The following PLCB4 variants were observed in gnomAD, a reference collection of about 807,000 sequenced individuals.
The protein encoded by PLCB4 is phospholipase C beta 4, also known as 1-phosphatidylinositol 4,5-bisphosphate phosphodiesterase beta-4.
PLCB4 carries 77 observed loss-of-function variants against 178.8 expected under a neutral mutation model. The observed-to-expected ratio is 0.43, with a 90% CI of 0.36 to 0.52. PLCB4 has a LOEUF of 0.52. Among genes scored for constraint, PLCB4 ranks in the 20% least tolerant of loss-of-function variants. PLCB4 has a pLI of 0.00. For synonymous variants in PLCB4, 496 were observed against 490.8 expected (o/e 1.01, Z -0.14); for missense variants, 1,024 against 1,453.4 (o/e 0.70, Z 4.80).
At chr20:9,076,420 T>C (rs2089868591) in intron 1 of PLCB4, among the ~76,000 whole-genome samples, 1 of 152,080 alleles carries the variant, frequency 6.6e-6, no homozygotes, top group Non-Finnish European at 1.5e-5. Flanking sequence ...TGAGCCGAGA[T>C]CACATAACTG....
rs574001010 is a variant in PLCB4, at chr20:9,350,013, C to T, written c.369+10976C>T. ...CTTTGTTGCCTCCAAGCTCTATGAT[C>T]TGGAGCCAGTAATTTAATGATCATA... is the stretch of plus-strand genomic sequence containing the variant. On this transcript the variant is annotated intron_variant, in intron 7 of 39. Coordinates refer to ENST00000378473, the MANE Select transcript of PLCB4 (RefSeq NM_001377142.1). Among the ~76,000 whole-genome samples the T allele has an allele frequency of 2.6e-5, 4 of 152,288 alleles. No homozygotes were observed. In the East Asian group the frequency reaches 7.7e-4, roughly 29 times the overall value.
At chr20:9,348,270 T>A (rs112360693) in intron 7 of PLCB4, among the ~76,000 whole-genome samples, 4 of 152,266 alleles carry the variant, frequency 2.6e-5, no homozygotes, top group African/African-American at 7.2e-5. Context: ...TCGGCTTCAA[T>A]CAGTTACACA....
At chr20:9,287,856 T>G (rs1177537079) in intron 3 of PLCB4, among the ~76,000 whole-genome samples, 1 of 152,142 alleles carries the variant, frequency 6.6e-6, no homozygotes, top group Non-Finnish European at 1.5e-5. Context: ...TCTTCAGATC[T>G]CTTATGTTTT....
intron 1 of PLCB4, among the ~76,000 whole-genome samples, chr20:9,095,080 G>C (rs2090849334): frequency 1.3e-5 from 2 of 152,162 alleles, no homozygotes; most frequent in African/African-American, 2.4e-5. Context: ...GAAGGAGAGA[G>C]GTTCTGCAGC....
intron 7 of PLCB4, among the ~76,000 whole-genome samples, chr20:9,348,550 TC>T (rs2034035132): frequency 6.6e-6 from 1 of 152,050 alleles, no homozygotes; most frequent in African/African-American, 2.4e-5. Context: ...CTACTTAGGA[TC>T]CTTAGGGGCT....
chr20:9,153,640 G>T (rs2092730751), intron 2 of PLCB4, among the ~76,000 whole-genome samples: 1 of 152,218 alleles, frequency 6.6e-6, no homozygotes, highest in South Asian at 2.1e-4. Flanking sequence ...TAATACAATG[G>T]CTTTAAATTT....
chr20:9,439,473 T>C (rs540660150), intron 30 of PLCB4, among the ~76,000 whole-genome samples: 3 of 152,240 alleles, frequency 2.0e-5, no homozygotes, highest in African/African-American at 7.2e-5. Flanking sequence ...AAAGAAATAG[T>C]GGTCATTTTT....
chr20:9,141,133 T>C (rs919105707), intron 2 of PLCB4, among the ~76,000 whole-genome samples: 1 of 152,258 alleles, frequency 6.6e-6, no homozygotes, highest in Non-Finnish European at 1.5e-5. Flanking sequence ...AACTTTTTCT[T>C]TTCTTTATGC....
chr20:9,100,836 C>T (rs75491543), intron 2 of PLCB4, among the ~76,000 whole-genome samples: 294 of 152,198 alleles, frequency 1.9e-3, no homozygotes, highest in African/African-American at 6.8e-3. Flanking sequence ...TCCTCCTGTG[C>T]GCTGATTCCC....
intron 32 of PLCB4, among the ~76,000 whole-genome samples, chr20:9,444,728 T>C (rs566358728): frequency 6.6e-6 from 1 of 152,218 alleles, no homozygotes; most frequent in East Asian, 1.9e-4. Flanking sequence ...TGCCATTGCA[T>C]TCCAGTGTAG....
At chr20:9,260,644 G>C (rs980058188) in intron 3 of PLCB4, among the ~76,000 whole-genome samples, 2 of 151,992 alleles carry the variant, frequency 1.3e-5, no homozygotes, top group African/African-American at 4.8e-5. Flanking sequence ...GTGTATATAT[G>C]AGCTTATGCA....
At chr20:9,217,008 T>A (rs1200069209) in intron 2 of PLCB4, among the ~76,000 whole-genome samples, 2 of 152,192 alleles carry the variant, frequency 1.3e-5, no homozygotes, top group Non-Finnish European at 2.9e-5. Context: ...TAAAAAGAGT[T>A]TTTTCCAATT....
chr20:9,398,571 T>C (rs921506403), intron 19 of PLCB4, among the ~76,000 whole-genome samples: 1 of 152,092 alleles, frequency 6.6e-6, no homozygotes, highest in Admixed American at 6.6e-5. Context: ...GCAGAAATAA[T>C]GGAATAAATT....
intron 3 of PLCB4, among the ~76,000 whole-genome samples, chr20:9,244,555 TTC>T (rs2094104056): frequency 6.6e-6 from 1 of 152,190 alleles, no homozygotes; most frequent in East Asian, 1.9e-4. Flanking sequence ...AATACATAAT[TTC>T]TGTCTACGTG....
intron 2 of PLCB4, among the ~76,000 whole-genome samples, chr20:9,147,032 A>G (rs902368457): frequency 1.3e-5 from 2 of 152,162 alleles, no homozygotes; most frequent in Non-Finnish European, 2.9e-5. Flanking sequence ...GCTTTTGAAG[A>G]GTCCACTAAT....
At chr20:9,297,385 G>A (rs1601682147) in intron 3 of PLCB4, among the ~76,000 whole-genome samples, 1 of 152,130 alleles carries the variant, frequency 6.6e-6, no homozygotes, top group Non-Finnish European at 1.5e-5. Flanking sequence ...TCAGAGTGGG[G>A]TGAGGGATAA....
chr20:9,208,664 T>C (rs1239460005), intron 2 of PLCB4, among the ~76,000 whole-genome samples: 1 of 152,106 alleles, frequency 6.6e-6, no homozygotes, highest in African/African-American at 2.4e-5. Flanking sequence ...CTCAGCTTCC[T>C]AAGTAGCTGG....
intron 2 of PLCB4, among the ~76,000 whole-genome samples, chr20:9,110,571 C>T (rs948792986): frequency 6.6e-6 from 1 of 152,156 alleles, no homozygotes; most frequent in Non-Finnish European, 1.5e-5. Flanking sequence ...TTTGCCAGGG[C>T]TGGACTCCTT....
At chr20:9,265,210 T>C (rs1017963918) in intron 3 of PLCB4, among the ~76,000 whole-genome samples, 1 of 152,058 alleles carries the variant, frequency 6.6e-6, no homozygotes, top group Admixed American at 6.6e-5. Flanking sequence ...GGACTGGGCG[T>C]GGTGGCTCAT....
Sources: gnomAD v4.1 joint callset for allele counts (sites outside exome capture counted in the v4.1 genomes callset) on GRCh38, gnomAD v4.1.1 for gene constraint, MANE v1.5 for transcripts, NCBI Gene and HGNC (gene_info 2026-07-23, HGNC 2026-07-21) for gene names.